Variants in APBB2 observed in about 807,000 individuals in gnomAD.
APBB2 encodes amyloid beta precursor protein binding family B member 2.
Under a neutral mutation model 82.5 loss-of-function variants are expected in APBB2, and 38 were observed. The observed-to-expected ratio is 0.46, with a 90% confidence interval of 0.36 to 0.60. The LOEUF is 0.60. Among genes scored for constraint, APBB2 ranks in the 20% least tolerant of loss-of-function variants. The probability of loss-of-function intolerance (pLI) is 0.00; values close to 1 mark genes in which losing one functional copy is unlikely to be tolerated. For missense variants in APBB2, 772 were observed against 972.3 expected, an observed-to-expected ratio of 0.79 and a Z score of 2.74; for synonymous variants, 341 against 368.2, an observed-to-expected ratio of 0.93 and a Z score of 0.85.
intron 12 of APBB2, among the ~76,000 whole-genome samples, chr4:40,836,143 T>A (rs972823745): frequency 4.0e-5 from 6 of 151,184 alleles, no homozygotes; most frequent in Non-Finnish European, 7.4e-5. Context: ...ATCTGGGAGG[T>A]GGGTGAAGTC....
intron 2 of APBB2, among the ~76,000 whole-genome samples, chr4:41,111,466 C>G (rs2153981587): frequency 6.6e-6 from 1 of 152,284 alleles, no homozygotes; most frequent in Admixed American, 6.5e-5. Context: ...GCAAAAAGTT[C>G]TAGACAGTTA....
intron 4 of APBB2, among the ~76,000 whole-genome samples, chr4:41,049,397 CCTCCCCTCCGGGAAGGAGATGGGGGACA>C (rs1724964364): frequency 6.8e-6 from 1 of 146,506 alleles, no homozygotes; most frequent in Non-Finnish European, 1.5e-5. Flanking sequence ...CCCAGCCAGC[CCTCCCCTCCGGGAAGGAGATGGGGGACA>C]GCCCCGCCCG....
chr4:41,111,904 CG>C (rs1749324147), intron 2 of APBB2, among the ~76,000 whole-genome samples: 1 of 152,058 alleles, frequency 6.6e-6, no homozygotes, highest in African/African-American at 2.4e-5. Context: ...AGAAAGAATC[CG>C]TTCAGTTGGA....
intron 6 of APBB2, among the ~76,000 whole-genome samples, chr4:40,947,215 T>C (rs1190636923): frequency 6.6e-6 from 1 of 152,206 alleles, no homozygotes. Flanking sequence ...TGGGATAAAG[T>C]TGGAGAAAAC....
intron 5 of APBB2, among the ~76,000 whole-genome samples, chr4:41,028,427 G>C (rs2154438376): frequency 6.6e-6 from 1 of 152,336 alleles, no homozygotes; most frequent in East Asian, 1.9e-4. Context: ...CAGAAGGTAA[G>C]AGTGGTGCTC....
intron 6 of APBB2, among the ~76,000 whole-genome samples, chr4:40,998,162 A>G (rs1338968539): frequency 6.6e-6 from 1 of 152,232 alleles, no homozygotes; most frequent in Non-Finnish European, 1.5e-5. Context: ...GAAAACTTGT[A>G]TCTATCACAG....
At chr4:40,881,869 C>T (rs1370744291) in intron 12 of APBB2, among the ~76,000 whole-genome samples, 1 of 152,122 alleles carries the variant, frequency 6.6e-6, no homozygotes, top group East Asian at 1.9e-4. Flanking sequence ...TCACCTAAAA[C>T]ACTGCCCTTT....
intron 2 of APBB2, among the ~76,000 whole-genome samples, chr4:41,113,551 C>T (rs371123628): frequency 6.6e-6 from 1 of 152,124 alleles, no homozygotes; most frequent in Non-Finnish European, 1.5e-5. Flanking sequence ...CAAATTGTCT[C>T]TGTTTGCAGA....
At chr4:41,031,791 G>T (rs1248171103) in intron 5 of APBB2, among the ~76,000 whole-genome samples, 1 of 151,998 alleles carries the variant, frequency 6.6e-6, no homozygotes. Context: ...AAAAGTTAAA[G>T]GATCCCTAAA....
intron 10 of APBB2, among the ~76,000 whole-genome samples, chr4:40,912,375 G>A (rs963531989): frequency 6.6e-6 from 1 of 152,152 alleles, no homozygotes; most frequent in Non-Finnish European, 1.5e-5. Context: ...TCAGGAGTTC[G>A]AGACCAGCCT....
At chr4:40,850,246 G>A (rs1003266301) in intron 12 of APBB2, among the ~76,000 whole-genome samples, 5 of 152,152 alleles carry the variant, frequency 3.3e-5, no homozygotes, top group African/African-American at 1.2e-4. Context: ...GAACAGCTGG[G>A]ACTACAGGTG....
intron 6 of APBB2, among the ~76,000 whole-genome samples, chr4:40,968,121 A>G (rs908273080): frequency 6.6e-6 from 1 of 152,176 alleles, no homozygotes; most frequent in African/African-American, 2.4e-5. Context: ...ACTGTGTATC[A>G]GCAGCCCTTT....
chr4:40,945,682 G>A (rs559153937), intron 6 of APBB2, among the ~76,000 whole-genome samples: 84 of 152,044 alleles, frequency 5.5e-4, no homozygotes, highest in South Asian at 2.5e-3. Context: ...GTGCGATCCC[G>A]GCTCACTGCA....
At chr4:40,928,087 C>T (rs73150554) in intron 10 of APBB2, among the ~76,000 whole-genome samples, 1 of 152,314 alleles carries the variant, frequency 6.6e-6, no homozygotes, top group African/African-American at 2.4e-5. Context: ...CCGCCTAAAA[C>T]GTGCCAAGGA....
intron 10 of APBB2, among the ~76,000 whole-genome samples, chr4:40,902,421 T>C (rs79888788): frequency 0.022 from 3,334 of 152,168 alleles, 115 homozygotes; most frequent in African/African-American, 0.076. Flanking sequence ...GAAATGGGTA[T>C]AGGAAAGTAG....
intron 1 of APBB2, among the ~76,000 whole-genome samples, chr4:41,193,329 T>C (rs897909163): frequency 2.6e-5 from 4 of 152,248 alleles, no homozygotes; most frequent in Admixed American, 1.3e-4. Context: ...ACTTTACATA[T>C]GTTATTTCCT....
At chr4:40,846,170 T>C (rs1757571293) in intron 12 of APBB2, among the ~76,000 whole-genome samples, 1 of 151,948 alleles carries the variant, frequency 6.6e-6, no homozygotes, top group African/African-American at 2.4e-5. Context: ...TTCCATTATT[T>C]AATCCATATA....
chr4:40,820,189 C>T (rs1747349546), intron 17 of APBB2, among the ~76,000 whole-genome samples: 1 of 152,198 alleles, frequency 6.6e-6, no homozygotes, highest in African/African-American at 2.4e-5. Flanking sequence ...AGCCAGGCAG[C>T]TCGGTGCTTC....
At chr4:40,901,217 G>C (rs112807716) in intron 10 of APBB2, among the ~76,000 whole-genome samples, 1 of 152,180 alleles carries the variant, frequency 6.6e-6, no homozygotes. Flanking sequence ...TAGGGTCCTG[G>C]CATGATGAAA....
Sources: allele counts gnomAD v4.1 joint callset (sites outside exome capture counted in the v4.1 genomes callset), GRCh38; gene constraint gnomAD v4.1.1; transcripts MANE v1.5; gene names NCBI Gene and HGNC (gene_info 2026-07-23, HGNC 2026-07-21).